Variants in INPP5F observed in about 807,000 individuals in gnomAD.
INPP5F encodes the protein phosphatidylinositide 4-phosphatase SAC2.
Under a neutral mutation model 137.2 loss-of-function variants are expected in INPP5F, and 97 were observed. The ratio of observed to expected loss-of-function variants is 0.71; its 90% CI spans 0.60 to 0.84. INPP5F has a LOEUF of 0.84. INPP5F is among the 40% of genes least tolerant of loss of function. The pLI, the probability that INPP5F is intolerant of heterozygous loss-of-function variation, is 0.00. For synonymous variants in INPP5F, 504 were observed against 476.9 expected (o/e 1.06, Z -0.74); for missense variants, 1,271 against 1,371.9 (o/e 0.93, Z 1.16).
At chr10:119,797,439 T>C (rs1850425868) in intron 7 of INPP5F, 22 bp from the exon 8 acceptor site, 2 of 1,569,846 alleles carry the variant, frequency 1.3e-6, no homozygotes, top group South Asian at 2.3e-5. Context: ...TGTTGCTGTT[T>C]TCTGTTTTAA....
intron 9 of INPP5F, among the ~76,000 whole-genome samples, chr10:119,800,673 T>C (rs1343597995): frequency 6.6e-6 from 1 of 151,852 alleles, no homozygotes; most frequent in Non-Finnish European, 1.5e-5. Context: ...GCAAAAGGGC[T>C]CCACTTCATT....
chr10:119,764,246 A>G (rs1319578720), intron 2 of INPP5F, among the ~76,000 whole-genome samples: 1 of 152,172 alleles, frequency 6.6e-6, no homozygotes, highest in Admixed American at 6.5e-5. Context: ...GATGTTTGTT[A>G]TAGCAGCACC....
chr10:119,808,160 G>A lies in INPP5F; in HGVS notation c.1569+100G>A, dbSNP rs1208673629. The A allele has an allele frequency of 3.6e-6, 5 of 1,380,294 alleles. No individual in the cohort carries two copies. The African/African-American group carries it at 7.2e-5, about 20-fold the overall frequency. 85.5% of individuals were successfully genotyped at this position (1,380,294 alleles called of 1,614,324 possible). ...TGTGTGTGGGTTCCAGATTGCAGATGTGTGTAGTTGACTCTTTTCTGAAAT... is the reference window on the plus strand; with the variant it reads ...TGTGTGTGGGTTCCAGATTGCAGATATGTGTAGTTGACTCTTTTCTGAAAT... On this transcript the variant is annotated intron_variant, in intron 13 of 19. Transcript: ENST00000650623.
rs773157231 is a variant in INPP5F, at chr10:119,823,826, T to G, written c.2173T>G (p.Cys725Gly). ...TATTTGGGTTGCAGATACCCTTCAG[T>G]GCATTGCAGAGATGCTGCAGATCAC... ...PEEDGKDTLQ[C>G]IAEMLQITKQ... The change falls in exon 19 of 20, where the codon TGC (cysteine) becomes GGC (glycine). Residue 725 changes from cysteine (C) to glycine (G), a missense_variant. Around this residue, in one of 6 missense-constraint regions of INPP5F, gnomAD observed 593 missense variants for 712.4 expected, o/e 0.83. Coordinates refer to ENST00000650623, the MANE Select transcript of INPP5F (RefSeq NM_014937.4). The G allele has an allele frequency of 6.2e-7, 1 of 1,613,770 alleles. No homozygotes were observed. Among genetic ancestry groups the G allele is most frequent in the Non-Finnish European group, 8.5e-7 (1 of 1,179,824 alleles).
chr10:119,785,535 C>CGAGA (rs59804262), intron 3 of INPP5F, among the ~76,000 whole-genome samples: 17,482 of 93,416 alleles, frequency 0.19, 2,263 homozygotes, highest in East Asian at 0.34. Context: ...GTGATCCGCT[C>CGAGA]GAGAGAGAGA....
chr10:119,784,578 T>A (rs182386564), intron 3 of INPP5F, among the ~76,000 whole-genome samples: 8 of 152,242 alleles, frequency 5.3e-5, no homozygotes, highest in African/African-American at 1.9e-4. Context: ...TGTTCTGTAA[T>A]TGGAGCAGAA....
In INPP5F at chr10:119,763,245, G is replaced by A. The variant is rs778590319; in HGVS notation, c.178+12089G>A. Among the ~76,000 whole-genome samples, 88 of 152,346 alleles carry A rather than the reference G, an allele frequency of 5.8e-4. No individual in the cohort carries two copies. In the Middle Eastern group the frequency reaches 0.014, roughly 24 times the overall value. On this transcript the variant is annotated intron_variant, in intron 2 of 19. Coordinates refer to ENST00000650623, the MANE Select transcript of INPP5F (RefSeq NM_014937.4). ...GCACTTCAGGCCCACTGCGGTAGAG[G>A]TTCTACCTTCCAGACCTGCTGAGGT...
chr10:119,768,902 A>C (rs1025652610), intron 2 of INPP5F, among the ~76,000 whole-genome samples: 1 of 152,248 alleles, frequency 6.6e-6, no homozygotes, highest in African/African-American at 2.4e-5. Flanking sequence ...TGCTGTGAAC[A>C]TAAGTCATTT....
At chr10:119,782,701 CAAAT>C (rs1286818929) in intron 3 of INPP5F, among the ~76,000 whole-genome samples, 3 of 151,958 alleles carry the variant, frequency 2.0e-5, no homozygotes, top group Admixed American at 6.6e-5. Context: ...AAAATAAAAA[CAAAT>C]AAAGGAGGCC....
At chr10:119,761,770 A>G (rs768480812) in intron 2 of INPP5F, among the ~76,000 whole-genome samples, 6 of 152,196 alleles carry the variant, frequency 3.9e-5, no homozygotes, top group Non-Finnish European at 7.3e-5. Flanking sequence ...AGCAGATACC[A>G]ATGAAGTAGG....
Position 119,827,736 on chromosome 10 carries a change from A to C in INPP5F, c.3355A>C (p.Lys1119Gln). ...TAATCAAGTCCAGCAAAATGAACTTAAAAAGATGTTTATACAATGCCAGAC... is the reference window on the plus strand; with the variant it reads ...TAATCAAGTCCAGCAAAATGAACTTCAAAAGATGTTTATACAATGCCAGAC... ...IINQVQQNEL[K>Q]KMFIQCQTRI... Residue 1119 changes from lysine to glutamine, a missense_variant, in exon 20 of 20, where the codon AAA becomes CAA. By Grantham distance (53) the Lys-to-Gln change is moderately conservative (BLOSUM62 1). Around this residue, in one of 6 missense-constraint regions of INPP5F, gnomAD observed 490 missense variants for 443.7 expected, o/e 1.10. Coordinates refer to ENST00000650623, the MANE Select transcript of INPP5F (RefSeq NM_014937.4). 1 of 1,613,568 alleles carries C rather than the reference A, an allele frequency of 6.2e-7. No homozygotes were observed. The highest frequency in any genetic ancestry group is 1.1e-5 in the South Asian group (1 of 90,990).
chr10:119,753,984 T>G (rs1296608326), intron 2 of INPP5F, among the ~76,000 whole-genome samples: 2 of 152,330 alleles, frequency 1.3e-5, no homozygotes, highest in Middle Eastern at 3.4e-3. Flanking sequence ...TTCTTCTCTC[T>G]TTTTGGCTTT....
chr10:119,780,934 C>T (rs1470789130), intron 2 of INPP5F, among the ~76,000 whole-genome samples: 1 of 152,142 alleles, frequency 6.6e-6, no homozygotes, highest in Non-Finnish European at 1.5e-5. Flanking sequence ...CACGGGGGGT[C>T]CTGGAGCCAG....
intron 2 of INPP5F, among the ~76,000 whole-genome samples, chr10:119,773,294 C>G (rs992367174): frequency 4.6e-5 from 7 of 151,412 alleles, no homozygotes; most frequent in Admixed American, 3.9e-4. Flanking sequence ...TGGACTCAAG[C>G]AGTCCACCCA....
At chr10:119,804,114 T>G in intron 9 of INPP5F, 59 bp from the exon 10 acceptor site, 1 of 1,272,538 alleles carries the variant, frequency 7.9e-7, no homozygotes, top group Non-Finnish European at 1.1e-6. Context: ...AATTAAATTT[T>G]AAACCACATT....
Position 119,742,448 on chromosome 10 carries a change from G to A in INPP5F, c.98-8628G>A, listed in dbSNP as rs1368960764. 4.6e-5 allele frequency among the ~76,000 whole-genome samples: 7 copies of A among 152,176 alleles called. No homozygotes were observed. The South Asian group carries it at 1.2e-3, about 27-fold the overall frequency. On this transcript the variant is annotated intron_variant, in intron 1 of 19. Transcript: ENST00000650623. ...TGGCATTACAGGCATGAGGCACTGC[G>A]CCTGGCCAGACAACAGCTTTTTAAA... is the stretch of plus-strand genomic sequence containing the variant.
At chr10:119,736,477 T>G (rs986746757) in intron 1 of INPP5F, among the ~76,000 whole-genome samples, 3 of 152,208 alleles carry the variant, frequency 2.0e-5, no homozygotes, top group African/African-American at 7.2e-5. Flanking sequence ...AAACCATGAC[T>G]TTTAAATGTG....
Position 119,827,110 on chromosome 10 carries a change from GCA to G in INPP5F, c.2732_2733del (p.Thr911ArgfsTer2), listed in dbSNP as rs770789796. 1.9e-6 allele frequency: 3 copies of G among 1,614,188 alleles called. No homozygotes were observed. The highest frequency in any genetic ancestry group is 2.2e-5 in the East Asian group (1 of 44,890). On this transcript the variant is annotated frameshift_variant, in exon 20 of 20. Coordinates refer to ENST00000650623, the MANE Select transcript of INPP5F (RefSeq NM_014937.4). LOFTEE classifies it high-confidence loss of function. Reference sequence around the variant, plus strand: ...GGCAGTCGGTCCCAGTCTCTTAGCAGCACAGATAGTAGCGTTCATGCTCCTTC... The same window carrying G: ...GGCAGTCGGTCCCAGTCTCTTAGCAGCAGATAGTAGCGTTCATGCTCCTTC...
chr10:119,801,944 G>A (rs752699294), intron 9 of INPP5F, among the ~76,000 whole-genome samples: 15 of 152,046 alleles, frequency 9.9e-5, no homozygotes, highest in Non-Finnish European at 2.1e-4. Context: ...TCCTGATTTC[G>A]AACAGTACCC....
Sources: gnomAD v4.1 joint callset for allele counts (sites outside exome capture counted in the v4.1 genomes callset) on GRCh38, gnomAD v4.1.1 for gene constraint, gnomAD v4.1.1 regional missense constraint, MANE v1.5 for transcripts, NCBI Gene and HGNC (gene_info 2026-07-23, HGNC 2026-07-21) for gene names.